Variants in DLGAP5 observed in about 807,000 individuals in gnomAD.
DLGAP5 encodes DLG associated protein 5.
In DLGAP5, 90 loss-of-function variants were observed where a neutral mutation model predicts 99.6. That is an observed-to-expected ratio of 0.90 (90% CI 0.76 to 1.08). The LOEUF (loss-of-function observed/expected upper bound fraction) is 1.08, where lower values mean the gene tolerates loss of function less well. Ranked by LOEUF, DLGAP5 falls within the 50% of genes least tolerant of loss-of-function variation. The pLI, the probability that DLGAP5 is intolerant of heterozygous loss-of-function variation, is 0.00. For synonymous variants in DLGAP5, 311 were observed against 321.3 expected, an observed-to-expected ratio of 0.97 and a Z score of 0.34; for missense variants, 1,036 against 983.5, an observed-to-expected ratio of 1.05 and a Z score of -0.71.
chr14:55,177,216 C>T lies in DLGAP5; in HGVS notation c.895G>A (p.Ala299Thr). ...KMENLPEINT[A>T]KIKGKNSFAP... ...AAGGAATTCTTCCCTTTTATTTTTGCAGTATTTATCTCAGGTAAGTTTTCC... is the reference window on the plus strand; with the variant it reads ...AAGGAATTCTTCCCTTTTATTTTTGTAGTATTTATCTCAGGTAAGTTTTCC... Residue 299 changes from alanine (A) to threonine (T), a missense_variant, in exon 8 of 19, where the codon GCA (alanine) becomes ACA (threonine). Transcript: ENST00000247191. 6.2e-7 allele frequency: 1 copy of T among 1,613,402 alleles called. No individual in the cohort carries two copies. The highest frequency in any genetic ancestry group is 1.3e-5 in the African/African-American group (1 of 74,958).
intron 14 of DLGAP5, among the ~76,000 whole-genome samples, 192 bp from the exon 15 acceptor site, chr14:55,154,998 C>T (rs1882158016): frequency 6.6e-6 from 1 of 152,056 alleles, no homozygotes; most frequent in Non-Finnish European, 1.5e-5. Context: ...TTTTGACATC[C>T]CACTACTTTT....
intron 2 of DLGAP5, 152 bp downstream of exon 2, chr14:55,188,790 A>C: frequency 1.6e-6 from 1 of 613,172 alleles, no homozygotes; most frequent in Non-Finnish European, 2.7e-6. Flanking sequence ...AAAAAAAAAA[A>C]AAAAAAAAAA....
rs773142467 is a variant in DLGAP5, at chr14:55,183,586, T to C, written c.406A>G (p.Asn136Asp). The C allele has an allele frequency of 6.4e-7, 1 of 1,574,602 alleles. No homozygotes were observed. The highest frequency in any genetic ancestry group is 2.3e-5 in the East Asian group (1 of 43,350). ...TTTTTTGGCTCAGCTTTCACAGCAT[T>C]CTGGTTTGATAAAAGAAAACAAGGC... is the stretch of plus-strand genomic sequence containing the variant. ...DMPCFLLSNQ[N>D]AVKAEPKKAI... Residue 136 changes from asparagine (N) to aspartate (D), a missense_variant, in exon 3 of 19, where the codon AAT becomes GAT. Asn to Asp is a conservative substitution (Grantham distance 23). Coordinates refer to ENST00000247191, the MANE Select transcript of DLGAP5 (RefSeq NM_014750.5).
In DLGAP5 at chr14:55,162,976, A is replaced by C. The variant is rs1407790175; in HGVS notation, c.1648T>G (p.Phe550Val). The change falls in exon 13 of 19, where the codon TTT becomes GTT. Residue 550 changes from phenylalanine to valine, a missense_variant. By Grantham distance (50) the Phe-to-Val change is conservative. Coordinates refer to ENST00000247191, the MANE Select transcript of DLGAP5 (RefSeq NM_014750.5). ...TATAAAACCCACAAACTTACCCTAA[A>C]GACATTTTTGTTCATATTATGATTC... ...NMNHNMNKNV[F>V]RKKVVSGIAS... 6.4e-7 allele frequency: 1 copy of C among 1,564,664 alleles called. No homozygotes were observed. The highest frequency in any genetic ancestry group is 1.8e-5 in the Admixed American group (1 of 55,396).
chr14:55,150,056 A>G (rs1318039647), intron 18 of DLGAP5, among the ~76,000 whole-genome samples: 1 of 151,710 alleles, frequency 6.6e-6, no homozygotes, highest in Non-Finnish European at 1.5e-5. Flanking sequence ...CTGTCTCAAA[A>G]AAAAAAAAAA....
chr14:55,164,334 G>A (rs1248513960), intron 12 of DLGAP5, among the ~76,000 whole-genome samples: 1 of 152,008 alleles, frequency 6.6e-6, no homozygotes, highest in Non-Finnish European at 1.5e-5. Context: ...ATGTCAAAAT[G>A]ACTCAGAATT....
intron 12 of DLGAP5, among the ~76,000 whole-genome samples, chr14:55,165,760 C>T (rs1328543445): frequency 6.6e-6 from 1 of 152,070 alleles, no homozygotes; most frequent in Admixed American, 6.6e-5. Flanking sequence ...TAAAATAGAA[C>T]AATTATAACA....
Position 55,175,660 on chromosome 14 carries a change from C to T in DLGAP5, c.1175-188G>A, listed in dbSNP as rs529673926. 2.6e-5 allele frequency among the ~76,000 whole-genome samples: 4 copies of T among 152,154 alleles called. No individual in the cohort carries two copies. The East Asian group carries it at 7.7e-4, about 29-fold the overall frequency. On this transcript the variant is annotated intron_variant, in intron 9 of 18. Transcript: ENST00000247191. The stretch of plus-strand genomic sequence containing the variant: ...TTCTTTAAATTTACATTTATTTCCC[C>T]TCTTCTGTCTGTATTCTTCATTCCA...
At chr14:55,166,735 A>G (rs1030189933) in intron 12 of DLGAP5, among the ~76,000 whole-genome samples, 1 of 152,128 alleles carries the variant, frequency 6.6e-6, no homozygotes, top group Admixed American at 6.5e-5. Context: ...ATCTCAAAAA[A>G]AAAAATACAT....
At chr14:55,173,272 C>CAAAAAAAAAAA (rs34893526) in intron 10 of DLGAP5, among the ~76,000 whole-genome samples, 1 of 106,782 alleles carries the variant, frequency 9.4e-6, no homozygotes, top group Non-Finnish European at 2.1e-5. Flanking sequence ...CCCGTCTCTA[C>CAAAAAAAAAAA]AAAAAAAAAA....
chr14:55,168,031 T>C (rs973168187), intron 12 of DLGAP5, among the ~76,000 whole-genome samples: 1 of 152,186 alleles, frequency 6.6e-6, no homozygotes, highest in Non-Finnish European at 1.5e-5. Context: ...ATAATTTGGC[T>C]ATATTTCCTG....
intron 3 of DLGAP5, among the ~76,000 whole-genome samples, chr14:55,182,821 C>T (rs1214903710): frequency 1.3e-5 from 2 of 152,164 alleles, no homozygotes; most frequent in African/African-American, 4.8e-5. Context: ...GGAATGGTCT[C>T]ATTTAGTCCT....
At chr14:55,175,818 T>C (rs1883041513) in intron 9 of DLGAP5, 76 bp downstream of exon 9, 1 of 1,269,252 alleles carries the variant, frequency 7.9e-7, no homozygotes, top group Non-Finnish European at 1.1e-6. Flanking sequence ...AAAAATGTAA[T>C]TACTATACCT....
In DLGAP5 at chr14:55,189,079, TTTTC is replaced by T. The variant is rs1432879056; in HGVS notation, c.97_100del (p.Glu33IlefsTer14). 6.2e-7 allele frequency: 1 copy of T among 1,614,044 alleles called. No individual in the cohort carries two copies. The highest frequency in any genetic ancestry group is 1.1e-5 in the South Asian group (1 of 91,084). ...ATTTCGTTCGTATTCCTTATGTCTA[TTTTC>T]TTTCTGAGACAGTGATTTCCTATGA... On this transcript the variant is annotated frameshift_variant, in exon 2 of 19. Coordinates refer to ENST00000247191, the MANE Select transcript of DLGAP5 (RefSeq NM_014750.5). LOFTEE classifies it high-confidence loss of function.
At position 55,189,066 on chromosome 14, in the gene DLGAP5, T is replaced by C. The variant is rs1883522706; in HGVS notation, c.114A>G (p.Glu38=). The change falls in exon 2 of 19, where the codon GAA becomes GAG. Residue 38 remains glutamate (E), a synonymous_variant. Transcript: ENST00000247191. The part of the protein sequence containing the change: ...SLSQKENRHK[E]YERNRHFGLK... ...AACCAAAGTGTCTATTTCGTTCGTA[T>C]TCCTTATGTCTATTTTCTTTCTGAG... 6 of 1,613,900 alleles carry C rather than the reference T, an allele frequency of 3.7e-6. No individual in the cohort carries two copies. Among genetic ancestry groups the C allele is most frequent in the Non-Finnish European group, 5.1e-6 (6 of 1,179,966 alleles).
chr14:55,181,098 G>A, intron 5 of DLGAP5, 115 bp downstream of exon 5: 1 of 1,049,480 alleles, frequency 9.5e-7, no homozygotes, highest in Admixed American at 2.3e-5. Context: ...CTGGGCAACA[G>A]AGCAAGACTC....
chr14:55,187,168 T>C (rs1242930980), intron 2 of DLGAP5, among the ~76,000 whole-genome samples: 1 of 152,106 alleles, frequency 6.6e-6, no homozygotes, highest in Non-Finnish European at 1.5e-5. Context: ...CCTGGGGTAC[T>C]GGGATTATAG....
At chr14:55,155,520 G>A (rs1322058668) in intron 14 of DLGAP5, among the ~76,000 whole-genome samples, 2 of 147,646 alleles carry the variant, frequency 1.4e-5, no homozygotes, top group East Asian at 4.1e-4. Context: ...CTAATTTTTT[G>A]TATTTTTAGT....
chr14:55,160,618 T>C (rs551678550), intron 13 of DLGAP5, among the ~76,000 whole-genome samples: 1 of 151,762 alleles, frequency 6.6e-6, no homozygotes, highest in South Asian at 2.1e-4. Context: ...TGGCTAATTT[T>C]TTATTTTTAG....
Sources: gnomAD v4.1 joint callset for allele counts (sites outside exome capture counted in the v4.1 genomes callset) on GRCh38, gnomAD v4.1.1 for gene constraint, MANE v1.5 for transcripts, NCBI Gene and HGNC (gene_info 2026-07-23, HGNC 2026-07-21) for gene names.